NHS: variants seen among roughly 807,000 people sequenced by gnomAD.
The protein encoded by NHS is NHS actin remodeling regulator.
NHS carries 5 observed loss-of-function variants against 72.5 expected under a neutral mutation model. The ratio of observed to expected loss-of-function variants is 0.07; its 90% CI spans 0.04 to 0.14. NHS has a LOEUF of 0.14. Among genes scored for constraint, NHS ranks in the 10% least tolerant of loss-of-function variants. The pLI is 1.00. For synonymous variants in NHS, 464 were observed against 547.7 expected (o/e 0.85, Z 2.13); for missense variants, 1,072 against 1,355.7 (o/e 0.79, Z 3.29).
At position 17,665,318 on chromosome X, in the gene NHS, A is replaced by ATTTTT. The variant is rs34661609; in HGVS notation, c.566-22400_566-22396dup. On this transcript the variant is annotated intron_variant, in intron 1 of 8. Transcript: ENST00000676302. ...TCACCATTAAGTATATTACCTATAG[A>ATTTTT]TTTTTTTTTTTTTTTTTTTTTTTTT... is the stretch of plus-strand genomic sequence containing the variant. Among the ~76,000 whole-genome samples, 15 of 54,717 alleles carry ATTTTT rather than the reference A, an allele frequency of 2.7e-4. 1 individual carries two copies. The highest frequency in any genetic ancestry group is 4.3e-4 in the African/African-American group (4 of 9,396). The allele number at this position is 54,717 out of a possible 115,157, so 47.5% of individuals were successfully genotyped here.
intron 1 of NHS, among the ~76,000 whole-genome samples, chrX:17,649,602 C>T (rs958986068): frequency 1.8e-5 from 2 of 109,296 alleles, no homozygotes; most frequent in Non-Finnish European, 3.8e-5. Flanking sequence ...TATTCATTGC[C>T]GGTATATGCA....
At position 17,579,659 on chromosome X, in the gene NHS, A is replaced by G. The variant is rs149824686; in HGVS notation, c.566-108083A>G. On this transcript the variant is annotated intron_variant, in intron 1 of 8. Coordinates refer to ENST00000676302, the MANE Select transcript of NHS (RefSeq NM_001291867.2). ...TAGCGGATCCAGACGGAAACAGTGA[A>G]GAACTGTAGCAGATACTATGAGTGC... Among the ~76,000 whole-genome samples the G allele has an allele frequency of 7.3e-4, 81 of 111,549 alleles. No homozygotes were observed. In the Middle Eastern group the frequency reaches 0.018, roughly 25 times the overall value.
At chrX:17,698,841 A>T (rs1486998434) in intron 3 of NHS, among the ~76,000 whole-genome samples, 1 of 111,358 alleles carries the variant, frequency 9.0e-6, no homozygotes, top group African/African-American at 3.3e-5. Context: ...GGGAAAACCC[A>T]TATGGTTAGC....
At chrX:17,409,206 C>A (rs1288676102) in intron 1 of NHS, among the ~76,000 whole-genome samples, 1 of 111,907 alleles carries the variant, frequency 8.9e-6, no homozygotes, top group Admixed American at 9.4e-5. Flanking sequence ...TGCTGTTTCC[C>A]GAACAAGACA....
intron 1 of NHS, among the ~76,000 whole-genome samples, chrX:17,643,305 T>C (rs977778890): frequency 8.1e-5 from 9 of 111,262 alleles, no homozygotes; most frequent in African/African-American, 6.5e-5. Context: ...TCTTTTTTTT[T>C]CCCAGTAGGT....
intron 1 of NHS, among the ~76,000 whole-genome samples, chrX:17,445,849 A>C (rs1166454472): frequency 7.4e-5 from 8 of 108,508 alleles, no homozygotes; most frequent in Non-Finnish European, 5.7e-5. Flanking sequence ...AAAAAAAAAA[A>C]AAAACAACAA....
intron 1 of NHS, among the ~76,000 whole-genome samples, chrX:17,632,334 ACTG>A (rs1268283446): frequency 9.1e-6 from 1 of 110,088 alleles, no homozygotes; most frequent in Non-Finnish European, 1.9e-5. Context: ...CCCTCTCCTG[ACTG>A]CTATTTCATC....
chrX:17,728,291 G>A lies in NHS; in HGVS notation c.4185G>A (p.Glu1395=). ...GTGCCTCTGATAACAGCAAAGCAGA[G>A]GAGACCCAAGGAAATGTGGATGAGG... The part of the protein sequence containing the change: ...AKSASDNSKA[E]ETQGNVDEAS... The change falls in exon 7 of 9, where the codon GAG becomes GAA. Residue 1395 remains glutamate (E), a synonymous_variant. Transcript: ENST00000676302. 3 of 1,211,648 alleles carry A rather than the reference G, an allele frequency of 2.5e-6. No individual in the cohort carries two copies. Among genetic ancestry groups the A allele is most frequent in the South Asian group, 3.5e-5 (2 of 56,964 alleles).
intron 1 of NHS, among the ~76,000 whole-genome samples, chrX:17,571,060 G>A (rs1309376455): frequency 1.8e-5 from 2 of 111,998 alleles, no homozygotes; most frequent in African/African-American, 3.3e-5. Context: ...TGCGCTGCTG[G>A]ATTTGGTTTG....
rs183322996 is a variant in NHS, at chrX:17,541,093, T to A, written c.566-146649T>A. Among the ~76,000 whole-genome samples, 1,046 of 111,458 alleles carry A rather than the reference T, an allele frequency of 9.4e-3. 11 individuals are homozygous for A. Among genetic ancestry groups the A allele is most frequent in the African/African-American group, 0.032 (964 of 30,597 alleles). The stretch of plus-strand genomic sequence containing the variant: ...TCTAAAAAGTAAATTAAAAAAAAAA[T>A]TTATTATGTACTCCTTGCCTTGCCT... On this transcript the variant is annotated intron_variant, in intron 1 of 8. Transcript: ENST00000676302.
At chrX:17,540,271 A>G (rs2065256369) in intron 1 of NHS, among the ~76,000 whole-genome samples, 1 of 111,761 alleles carries the variant, frequency 8.9e-6, no homozygotes, top group South Asian at 3.8e-4. Flanking sequence ...TTACAGATGC[A>G]ATATCTCAGC....
chrX:17,419,890 C>T (rs1054404727), intron 1 of NHS, among the ~76,000 whole-genome samples: 1 of 111,825 alleles, frequency 8.9e-6, no homozygotes, highest in Non-Finnish European at 1.9e-5. Flanking sequence ...TTCTGTCTTT[C>T]CTAATATTTC....
intron 1 of NHS, among the ~76,000 whole-genome samples, chrX:17,471,334 T>A (rs1001717028): frequency 5.3e-5 from 6 of 112,496 alleles, no homozygotes; most frequent in Non-Finnish European, 1.1e-4. Context: ...ATGATGAGGC[T>A]TGCTGACTAG....
At chrX:17,660,905 A>T (rs929486050) in intron 1 of NHS, among the ~76,000 whole-genome samples, 2 of 112,657 alleles carry the variant, frequency 1.8e-5, no homozygotes, top group Non-Finnish European at 3.8e-5. Context: ...AAAGTTGAGG[A>T]TTCCCAAAGA....
At chrX:17,494,898 G>A (rs1439492114) in intron 1 of NHS, among the ~76,000 whole-genome samples, 2 of 112,399 alleles carry the variant, frequency 1.8e-5, no homozygotes, top group Non-Finnish European at 3.8e-5. Context: ...GGCCTTGGGT[G>A]TTAAGAGTTC....
chrX:17,688,309 G>C (rs893413116), intron 2 of NHS, among the ~76,000 whole-genome samples: 1 of 111,482 alleles, frequency 9.0e-6, no homozygotes, highest in African/African-American at 3.3e-5. Flanking sequence ...GTATATATTA[G>C]ATATGGGCAA....
chrX:17,439,636 A>G (rs937719444), intron 1 of NHS, among the ~76,000 whole-genome samples: 1 of 111,913 alleles, frequency 8.9e-6, no homozygotes. Context: ...TAATTGCTAT[A>G]TAGAGTTCAT....
At chrX:17,640,133 T>C (rs1290466194) in intron 1 of NHS, among the ~76,000 whole-genome samples, 1 of 111,622 alleles carries the variant, frequency 9.0e-6, no homozygotes, top group Non-Finnish European at 1.9e-5. Context: ...ATCCACACTC[T>C]CTCCATCCTG....
chrX:17,557,247 C>T (rs1164073811), intron 1 of NHS: 1 of 103,348 alleles, frequency 9.7e-6, no homozygotes, highest in Admixed American at 1.1e-4. Context: ...CAAGAGCCAT[C>T]CACTTAATGA....
Sources: gnomAD v4.1 joint callset for allele counts (sites outside exome capture counted in the v4.1 genomes callset) on GRCh38, gnomAD v4.1.1 for gene constraint, MANE v1.5 for transcripts, NCBI Gene and HGNC (gene_info 2026-07-23, HGNC 2026-07-21) for gene names.